The following PCDH9 variants were observed in gnomAD, a reference collection of about 807,000 sequenced individuals.
PCDH9 encodes protocadherin-9.
PCDH9 carries 24 observed loss-of-function variants against 70.6 expected under a neutral mutation model. The observed-to-expected ratio is 0.34, with a 90% CI of 0.25 to 0.48. PCDH9 has a LOEUF of 0.48. PCDH9 is among the 20% of genes least tolerant of loss of function. The pLI, the probability that PCDH9 is intolerant of heterozygous loss-of-function variation, is 0.99. For missense variants in PCDH9, 1,281 were observed against 1,503.6 expected, an observed-to-expected ratio of 0.85 and a Z score of 2.45; for synonymous variants, 562 against 558.5, an observed-to-expected ratio of 1.01 and a Z score of -0.09.
chr13:66,573,881 T>C (rs937349473), intron 4 of PCDH9, among the ~76,000 whole-genome samples: 2 of 152,122 alleles, frequency 1.3e-5, no homozygotes, highest in African/African-American at 2.4e-5. Context: ...TTATGGAGTG[T>C]TCAGTTAATT....
chr13:67,108,315 A>C (rs1173782552), intron 2 of PCDH9, among the ~76,000 whole-genome samples: 3 of 152,246 alleles, frequency 2.0e-5, no homozygotes, highest in African/African-American at 2.4e-5. Flanking sequence ...TAGGTAATGC[A>C]GTCCTGATTC....
At chr13:66,909,351 G>T (rs1448530790) in intron 2 of PCDH9, among the ~76,000 whole-genome samples, 1 of 151,880 alleles carries the variant, frequency 6.6e-6, no homozygotes, top group African/African-American at 2.4e-5. Flanking sequence ...GATTAATGTT[G>T]TTAAAATGAC....
chr13:66,687,692 C>T (rs776433027), intron 3 of PCDH9, among the ~76,000 whole-genome samples: 160 of 152,098 alleles, frequency 1.1e-3, no homozygotes, highest in Non-Finnish European at 1.5e-4. Context: ...AAGTAAGACA[C>T]ATTTTTACCC....
At chr13:67,111,962 A>G (rs1165772807) in intron 2 of PCDH9, among the ~76,000 whole-genome samples, 1 of 152,174 alleles carries the variant, frequency 6.6e-6, no homozygotes, top group Non-Finnish European at 1.5e-5. Context: ...TATGTATCCA[A>G]TCATTAGTTA....
chr13:66,790,898 G>A (rs2080153695), intron 3 of PCDH9, among the ~76,000 whole-genome samples: 1 of 152,108 alleles, frequency 6.6e-6, no homozygotes, highest in South Asian at 2.1e-4. Flanking sequence ...ATCTTAGCCA[G>A]CTAATGTTGG....
intron 2 of PCDH9, among the ~76,000 whole-genome samples, chr13:67,138,347 G>A (rs2087287209): frequency 6.6e-6 from 1 of 152,114 alleles, no homozygotes; most frequent in African/African-American, 2.4e-5. Context: ...TGTGACTTAT[G>A]TAAATTGCAG....
chr13:66,675,680 G>A (rs1290029713), intron 3 of PCDH9, among the ~76,000 whole-genome samples: 1 of 152,092 alleles, frequency 6.6e-6, no homozygotes, highest in Admixed American at 6.6e-5. Flanking sequence ...TGTAGGATGA[G>A]TAAGTAGTGT....
intron 3 of PCDH9, among the ~76,000 whole-genome samples, chr13:66,808,785 C>T (rs1014598632): frequency 5.3e-5 from 8 of 152,188 alleles, no homozygotes; most frequent in Non-Finnish European, 7.3e-5. Flanking sequence ...ACCCAGTTGC[C>T]GCATCAGAAC....
intron 2 of PCDH9, among the ~76,000 whole-genome samples, chr13:67,140,019 T>A (rs970186460): frequency 9.7e-6 from 1 of 102,994 alleles, no homozygotes; most frequent in African/African-American, 3.5e-5. Flanking sequence ...ATGTGATTTT[T>A]TGATCACCCC....
intron 3 of PCDH9, among the ~76,000 whole-genome samples, chr13:66,808,404 T>A (rs1227114612): frequency 6.6e-6 from 1 of 152,200 alleles, no homozygotes; most frequent in Non-Finnish European, 1.5e-5. Context: ...TTACTATTTA[T>A]AACAAATACA....
intron 4 of PCDH9, among the ~76,000 whole-genome samples, chr13:66,402,175 G>A (rs928760718): frequency 6.6e-6 from 1 of 151,902 alleles, no homozygotes; most frequent in Non-Finnish European, 1.5e-5. Context: ...ACTCTATCAT[G>A]GCCATGTTAG....
chr13:66,753,028 G>C (rs1207015400), intron 3 of PCDH9, among the ~76,000 whole-genome samples: 1 of 152,098 alleles, frequency 6.6e-6, no homozygotes, highest in Non-Finnish European at 1.5e-5. Context: ...ACAAATTTTG[G>C]AGTCTTCTAA....
At chr13:66,813,279 A>C (rs1430610866) in intron 3 of PCDH9, among the ~76,000 whole-genome samples, 2 of 152,310 alleles carry the variant, frequency 1.3e-5, no homozygotes, top group East Asian at 3.9e-4. Flanking sequence ...AAAAACTAGA[A>C]TCAAATTTAA....
rs267320 is a variant in PCDH9, at chr13:66,422,833, C to T, written c.3341-117805G>A. Among the ~76,000 whole-genome samples the T allele has an allele frequency of 5.3e-5, 8 of 151,820 alleles. No homozygotes were observed. In the East Asian group the frequency reaches 9.7e-4, roughly 18 times the overall value. On this transcript the variant is annotated intron_variant, in intron 4 of 4. Coordinates refer to ENST00000377865, the MANE Select transcript of PCDH9 (RefSeq NM_203487.3). ...AGCAGAACTGAAGGAAACAGAGACA[C>T]GAAAAACCCTTAAAAAAATATCAAT...
At chr13:66,622,974 G>T (rs144883220) in intron 4 of PCDH9, among the ~76,000 whole-genome samples, 116 of 152,082 alleles carry the variant, frequency 7.6e-4, no homozygotes, top group Middle Eastern at 3.4e-3. Flanking sequence ...AACTCCAGAC[G>T]GGCCCCCTTA....
At chr13:66,989,590 C>G (rs1394863342) in intron 2 of PCDH9, among the ~76,000 whole-genome samples, 1 of 151,874 alleles carries the variant, frequency 6.6e-6, no homozygotes, top group Non-Finnish European at 1.5e-5. Flanking sequence ...CACTCAACCT[C>G]TTTACCAGGA....
intron 4 of PCDH9, among the ~76,000 whole-genome samples, chr13:66,315,018 G>A (rs1377285566): frequency 6.6e-6 from 1 of 152,190 alleles, no homozygotes; most frequent in African/African-American, 2.4e-5. Flanking sequence ...GCAGGTGGGA[G>A]TCCAGATTCC....
intron 2 of PCDH9, among the ~76,000 whole-genome samples, chr13:66,987,298 C>T (rs946660497): frequency 6.6e-6 from 1 of 151,972 alleles, no homozygotes; most frequent in Non-Finnish European, 1.5e-5. Context: ...TTTTCTTCAG[C>T]ATCCATGTGA....
intron 4 of PCDH9, among the ~76,000 whole-genome samples, chr13:66,615,041 G>C (rs1017132989): frequency 2.0e-5 from 3 of 152,234 alleles, no homozygotes; most frequent in Non-Finnish European, 2.9e-5. Flanking sequence ...AACAGACTAT[G>C]ACCTAATGCT....
Sources: allele counts gnomAD v4.1 joint callset (sites outside exome capture counted in the v4.1 genomes callset), GRCh38; gene constraint gnomAD v4.1.1; transcripts MANE v1.5; gene names NCBI Gene and HGNC (gene_info 2026-07-23, HGNC 2026-07-21).